COL10A1: variants seen among roughly 807,000 people sequenced by gnomAD.
The protein encoded by COL10A1 is collagen type X alpha 1 chain.
Under a neutral mutation model 18.2 loss-of-function variants are expected in COL10A1, and 10 were observed. The ratio of observed to expected loss-of-function variants is 0.55; its 90% CI spans 0.34 to 0.93. The LOEUF is 0.93. COL10A1 is among the 40% of genes least tolerant of loss of function. The pLI, the probability that COL10A1 is intolerant of heterozygous loss-of-function variation, is 0.02. For synonymous variants in COL10A1, 330 were observed against 316.6 expected, an observed-to-expected ratio of 1.04 and a Z score of -0.45; for missense variants, 897 against 853.5, an observed-to-expected ratio of 1.05 and a Z score of -0.64.
chr6:116,169,780 G>A, the COL10A1 span, among the ~76,000 whole-genome samples: 1 of 152,200 alleles, frequency 6.6e-6, no homozygotes, highest in African/African-American at 2.4e-5. Context: ...TTGGAGTTCA[G>A]AGGATTATCA....
At chr6:116,144,892 CAG>C (rs1002310056) in intron 1 of COL10A1, among the ~76,000 whole-genome samples, 14 of 152,116 alleles carry the variant, frequency 9.2e-5, no homozygotes, top group Non-Finnish European at 1.3e-4. Flanking sequence ...CGTTTTCAAA[CAG>C]GGGATCTTAG....
chr6:116,120,046 C>T lies in COL10A1; in HGVS notation c.*27G>A. 6.5e-7 allele frequency: 1 copy of T among 1,535,820 alleles called. No homozygotes were observed. The highest frequency in any genetic ancestry group is 8.7e-7 in the Non-Finnish European group (1 of 1,144,146). ...GAGTTAGAGAATGCTTTTTCTAGCA[C>T]AAGATTTAGATTAGCTCTGTGTGTA... On this transcript the variant is annotated 3_prime_UTR_variant, in exon 3 of 3. Transcript: ENST00000651968.
intron 1 of COL10A1, among the ~76,000 whole-genome samples, chr6:116,149,162 G>A (rs1289194103): frequency 2.0e-5 from 3 of 152,122 alleles, no homozygotes; most frequent in Non-Finnish European, 2.9e-5. Context: ...GGACATTTTG[G>A]AGTAATTATA....
At chr6:116,165,826 C>T in the COL10A1 span, among the ~76,000 whole-genome samples, 617 of 152,352 alleles carry the variant, frequency 4.0e-3, 4 homozygotes, top group African/African-American at 0.014. Context: ...CAAGTCAGAG[C>T]AGGTTCTGGG....
chr6:116,131,447 G>T (rs951136021), intron 1 of COL10A1, among the ~76,000 whole-genome samples: 3 of 152,114 alleles, frequency 2.0e-5, no homozygotes, highest in African/African-American at 4.8e-5. Flanking sequence ...GCATCACAGT[G>T]TACATACTTT....
At chr6:116,213,659 G>A in the COL10A1 span, among the ~76,000 whole-genome samples, 2 of 151,990 alleles carry the variant, frequency 1.3e-5, no homozygotes, top group African/African-American at 4.8e-5. Flanking sequence ...TTTAACATCT[G>A]TTCTATGTGT....
At chr6:116,190,763 G>A in the COL10A1 span, among the ~76,000 whole-genome samples, 1 of 151,990 alleles carries the variant, frequency 6.6e-6, no homozygotes, top group Non-Finnish European at 1.5e-5. Flanking sequence ...TATGTAAAAC[G>A]TCTGGAAAGA....
the COL10A1 span, among the ~76,000 whole-genome samples, chr6:116,172,105 C>T: frequency 6.6e-6 from 1 of 152,156 alleles, no homozygotes; most frequent in African/African-American, 2.4e-5. Context: ...GTCAAGATGA[C>T]TGAAGTAGTT....
At chr6:116,131,230 C>T (rs1019321789) in intron 1 of COL10A1, among the ~76,000 whole-genome samples, 4 of 152,072 alleles carry the variant, frequency 2.6e-5, no homozygotes, top group African/African-American at 4.8e-5. Flanking sequence ...CCAATATAAG[C>T]CAGCTCCAGC....
At chr6:116,148,771 A>G (rs1779959720) in intron 1 of COL10A1, among the ~76,000 whole-genome samples, 1 of 152,274 alleles carries the variant, frequency 6.6e-6, no homozygotes, top group Non-Finnish European at 1.5e-5. Context: ...GATATATGTG[A>G]GTGTACTGAC....
chr6:116,204,364 C>A, the COL10A1 span, among the ~76,000 whole-genome samples: 19 of 151,932 alleles, frequency 1.3e-4, no homozygotes, highest in South Asian at 6.2e-4. Context: ...GAGAAAGATT[C>A]AAAAAGATGC....
upstream of COL10A1, among the ~76,000 whole-genome samples, chr6:116,163,116 G>A (rs1161182416): frequency 1.9e-5 from 2 of 104,340 alleles, no homozygotes; most frequent in African/African-American, 1.0e-4. Flanking sequence ...GACACAGCGA[G>A]ACTCCGTCTC....
the COL10A1 span, among the ~76,000 whole-genome samples, chr6:116,188,575 T>C: frequency 5.3e-5 from 8 of 151,958 alleles, no homozygotes; most frequent in Non-Finnish European, 1.5e-5. Context: ...AAAATAGATA[T>C]TAAAATGGGT....
the COL10A1 span, among the ~76,000 whole-genome samples, chr6:116,182,068 T>G: frequency 2.0e-5 from 3 of 152,094 alleles, no homozygotes. Flanking sequence ...ATTATTCTTA[T>G]GCCTTTGTGT....
the COL10A1 span, among the ~76,000 whole-genome samples, chr6:116,216,914 A>G: frequency 6.6e-6 from 1 of 152,134 alleles, no homozygotes; most frequent in Non-Finnish European, 1.5e-5. Context: ...ATAACTTGTA[A>G]AGGTTGTAAA....
upstream of COL10A1, among the ~76,000 whole-genome samples, chr6:116,159,262 G>A (rs1481594104): frequency 2.6e-5 from 4 of 151,950 alleles, no homozygotes; most frequent in South Asian, 2.1e-4. Flanking sequence ...TGATTTCACC[G>A]TATGAGGTTT....
At chr6:116,154,836 A>G (rs995142250) in intron 1 of COL10A1, among the ~76,000 whole-genome samples, 3 of 152,198 alleles carry the variant, frequency 2.0e-5, no homozygotes, top group South Asian at 4.1e-4. Context: ...ACTTTCTTTG[A>G]CTTGCCTATG....
At chr6:116,203,413 C>T in the COL10A1 span, among the ~76,000 whole-genome samples, 1 of 151,986 alleles carries the variant, frequency 6.6e-6, no homozygotes, top group South Asian at 2.1e-4. Flanking sequence ...GGAGAGACAC[C>T]TAACACCACA....
the COL10A1 span, among the ~76,000 whole-genome samples, chr6:116,173,994 T>C: frequency 1.3e-5 from 2 of 152,178 alleles, no homozygotes; most frequent in African/African-American, 2.4e-5. Flanking sequence ...TCACTTGGAG[T>C]GCTAGCCACG....
Sources: allele counts gnomAD v4.1 joint callset (sites outside exome capture counted in the v4.1 genomes callset), GRCh38; gene constraint gnomAD v4.1.1; transcripts MANE v1.5; gene names NCBI Gene and HGNC (gene_info 2026-07-23, HGNC 2026-07-21).